Variants in NKAIN2 observed in about 807,000 individuals in gnomAD.
The protein encoded by NKAIN2 is sodium/potassium transporting ATPase interacting 2, also known as sodium/potassium-transporting ATPase subunit beta-1-interacting protein 2.
A neutral mutation model predicts 32.6 loss-of-function variants in NKAIN2; 14 were observed. That is an observed-to-expected ratio of 0.43 (90% confidence interval 0.28 to 0.67). NKAIN2 has a LOEUF of 0.67. NKAIN2 is among the 30% of genes least tolerant of loss of function. The probability of loss-of-function intolerance (pLI) is 0.17; values close to 1 mark genes in which losing one functional copy is unlikely to be tolerated. For synonymous variants in NKAIN2, 80 were observed against 87.2 expected, an observed-to-expected ratio of 0.92 and a Z score of 0.46; for missense variants, 198 against 258.3, an observed-to-expected ratio of 0.77 and a Z score of 1.60.
Position 124,584,334 on chromosome 6 carries a change from G to C in NKAIN2, c.274-73852G>C, listed in dbSNP as rs145019443. On this transcript the variant is annotated intron_variant, in intron 3 of 6. Transcript: ENST00000368417. Reference sequence around the variant, plus strand: ...TAATTTGATTAAGAAATGGGCAAAAGATCTGAATAGACATTTCTCAAAAGA... The same window carrying C: ...TAATTTGATTAAGAAATGGGCAAAACATCTGAATAGACATTTCTCAAAAGA... Among the ~76,000 whole-genome samples, 1,318 of 152,252 alleles carry C rather than the reference G, an allele frequency of 8.7e-3. 30 individuals carry two copies. Among genetic ancestry groups the C allele is most frequent in the African/African-American group, 0.03 (1,249 of 41,558 alleles).
intron 3 of NKAIN2, among the ~76,000 whole-genome samples, chr6:124,424,413 G>A (rs1163694906): frequency 3.3e-5 from 5 of 151,890 alleles, no homozygotes; most frequent in Admixed American, 1.3e-4. Context: ...TGTGTGATAA[G>A]TACACTTAAT....
chr6:124,378,437 G>T (rs1237263002), intron 3 of NKAIN2, among the ~76,000 whole-genome samples: 2 of 152,134 alleles, frequency 1.3e-5, no homozygotes, highest in African/African-American at 2.4e-5. Context: ...ATACACTGGG[G>T]TAAAGCACTG....
chr6:124,447,221 G>A (rs573358820), intron 3 of NKAIN2, among the ~76,000 whole-genome samples: 2 of 151,998 alleles, frequency 1.3e-5, no homozygotes, highest in African/African-American at 2.4e-5. Flanking sequence ...GAATGCCCCC[G>A]TTGTAATATT....
intron 3 of NKAIN2, among the ~76,000 whole-genome samples, chr6:124,533,737 T>C (rs1779613972): frequency 6.6e-6 from 1 of 152,196 alleles, no homozygotes; most frequent in South Asian, 2.1e-4. Flanking sequence ...TAGGCTGCTC[T>C]AACAAATTAC....
intron 4 of NKAIN2, among the ~76,000 whole-genome samples, chr6:124,779,347 G>A (rs895017173): frequency 6.8e-6 from 1 of 147,256 alleles, no homozygotes; most frequent in African/African-American, 2.5e-5. Context: ...AAGGAAGGAA[G>A]GAAGGAAGGA....
At chr6:124,707,920 C>T (rs1183190827) in intron 4 of NKAIN2, among the ~76,000 whole-genome samples, 1 of 151,824 alleles carries the variant, frequency 6.6e-6, no homozygotes, top group East Asian at 1.9e-4. Flanking sequence ...CTTGCCCATG[C>T]CTATGTCCTG....
At chr6:124,550,003 T>C (rs1780232204) in intron 3 of NKAIN2, among the ~76,000 whole-genome samples, 1 of 152,204 alleles carries the variant, frequency 6.6e-6, no homozygotes, top group South Asian at 2.1e-4. Context: ...AGTTTCTGCT[T>C]TCTCTTTATG....
chr6:124,313,916 C>A (rs921038311), intron 2 of NKAIN2, among the ~76,000 whole-genome samples: 1 of 152,080 alleles, frequency 6.6e-6, no homozygotes, highest in Non-Finnish European at 1.5e-5. Context: ...CAAAAATGCC[C>A]TATTGAATAA....
chr6:124,672,955 C>T (rs1773177299), intron 4 of NKAIN2, among the ~76,000 whole-genome samples: 1 of 152,014 alleles, frequency 6.6e-6, no homozygotes, highest in South Asian at 2.1e-4. Context: ...CTGCTGCTGA[C>T]TGTATGCACA....
At chr6:124,447,060 C>G (rs1454313970) in intron 3 of NKAIN2, among the ~76,000 whole-genome samples, 3 of 152,088 alleles carry the variant, frequency 2.0e-5, no homozygotes, top group Non-Finnish European at 4.4e-5. Flanking sequence ...CTGCCACTTT[C>G]CAAATCTTAT....
intron 1 of NKAIN2, among the ~76,000 whole-genome samples, chr6:123,890,740 T>C (rs2114370896): frequency 6.6e-6 from 1 of 152,158 alleles, no homozygotes; most frequent in East Asian, 1.9e-4. Context: ...GATGAGAATA[T>C]GAAAGGGATA....
At chr6:124,707,562 G>A (rs1775161128) in intron 4 of NKAIN2, among the ~76,000 whole-genome samples, 1 of 130,482 alleles carries the variant, frequency 7.7e-6, no homozygotes, top group Non-Finnish European at 1.6e-5. Flanking sequence ...ATCTCATTGT[G>A]GTTTTGATTT....
intron 4 of NKAIN2, among the ~76,000 whole-genome samples, chr6:124,711,842 C>G (rs1390919977): frequency 6.6e-6 from 1 of 152,206 alleles, no homozygotes; most frequent in Non-Finnish European, 1.5e-5. Context: ...CTCCATCAAG[C>G]TTTGTTCCAT....
At chr6:124,446,536 T>G (rs1057506997) in intron 3 of NKAIN2, among the ~76,000 whole-genome samples, 6 of 151,988 alleles carry the variant, frequency 3.9e-5, no homozygotes, top group African/African-American at 1.4e-4. Flanking sequence ...AGAGACGGGG[T>G]TTTGCCACAT....
chr6:124,245,685 C>T (rs758323590), intron 1 of NKAIN2, among the ~76,000 whole-genome samples: 21 of 152,100 alleles, frequency 1.4e-4, no homozygotes, highest in Middle Eastern at 3.4e-3. Context: ...AGGAGTTGGA[C>T]GAACATTCTA....
chr6:124,596,645 A>T (rs1782096807), intron 3 of NKAIN2, among the ~76,000 whole-genome samples: 1 of 149,792 alleles, frequency 6.7e-6, no homozygotes, highest in African/African-American at 2.5e-5. Context: ...CCAGAGAAAC[A>T]GAACAAATAA....
At chr6:124,682,335 C>T (rs1416980005) in intron 4 of NKAIN2, among the ~76,000 whole-genome samples, 1 of 152,028 alleles carries the variant, frequency 6.6e-6, no homozygotes, top group East Asian at 1.9e-4. Flanking sequence ...CTTCAAAAAG[C>T]TTATCTGAAA....
At chr6:123,942,589 T>C (rs1477261533) in intron 1 of NKAIN2, among the ~76,000 whole-genome samples, 1 of 151,992 alleles carries the variant, frequency 6.6e-6, no homozygotes, top group Non-Finnish European at 1.5e-5. Flanking sequence ...GAATGCCTTA[T>C]TTACCTTCAT....
chr6:124,039,530 C>G (rs1781768258), intron 1 of NKAIN2, among the ~76,000 whole-genome samples: 1 of 151,800 alleles, frequency 6.6e-6, no homozygotes, highest in Admixed American at 6.6e-5. Context: ...GAGTTGCTAT[C>G]ATTAATTGAC....
Sources: gnomAD v4.1 joint callset for allele counts (sites outside exome capture counted in the v4.1 genomes callset) on GRCh38, gnomAD v4.1.1 for gene constraint, MANE v1.5 for transcripts, NCBI Gene and HGNC (gene_info 2026-07-23, HGNC 2026-07-21) for gene names.